HEATR5A: variants seen among roughly 807,000 people sequenced by gnomAD.
The protein encoded by HEATR5A is HEAT repeat-containing protein 5A.
Under a neutral mutation model 218.8 loss-of-function variants are expected in HEATR5A, and 178 were observed. That is an observed-to-expected ratio of 0.81 (90% CI 0.72 to 0.92). The LOEUF (loss-of-function observed/expected upper bound fraction) is 0.92, where lower values mean the gene tolerates loss of function less well. HEATR5A is among the 40% of genes least tolerant of loss of function. The pLI, the probability that HEATR5A is intolerant of heterozygous loss-of-function variation, is 0.00. For synonymous variants in HEATR5A, 864 were observed against 871.6 expected (o/e 0.99, Z 0.15); for missense variants, 2,420 against 2,418.9 (o/e 1.00, Z -0.01).
Position 31,386,474 on chromosome 14 carries a change from G to C in HEATR5A, c.1291C>G (p.Leu431Val), listed in dbSNP as rs756512151. 6.8e-6 allele frequency: 11 copies of C among 1,613,670 alleles called. No homozygotes were observed. In the East Asian group the frequency reaches 2.5e-4, roughly 36 times the overall value. The stretch of plus-strand genomic sequence containing the variant: ...GCTGTGGTGCCAAGATTGTGTATGA[G>C]ATTTCCAAGTTCTTGTAAAGCACAA... ...LVCALQELGN[L>V]IHNLGTTAAP... is the part of the protein sequence containing the mutation. The change falls in exon 9 of 36, where the codon CTC becomes GTC. Residue 431 changes from leucine (L) to valine (V), a missense_variant. Coordinates refer to ENST00000543095, the MANE Select transcript of HEATR5A (RefSeq NM_015473.4).
intron 31 of HEATR5A, 61 bp from the exon 32 acceptor site, chr14:31,305,238 T>G (rs1899517885): frequency 4.6e-6 from 7 of 1,522,124 alleles, no homozygotes; most frequent in Non-Finnish European, 6.2e-6. Flanking sequence ...GATGGCAATT[T>G]AGTTAAATCC....
intron 9 of HEATR5A, among the ~76,000 whole-genome samples, chr14:31,384,375 C>T (rs993292573): frequency 1.3e-5 from 2 of 150,526 alleles, no homozygotes; most frequent in South Asian, 2.1e-4. Flanking sequence ...GCCAGGGTGG[C>T]GGGACTTGCA....
chr14:31,295,727 T>C (rs1262775933), intron 34 of HEATR5A, among the ~76,000 whole-genome samples, 182 bp downstream of exon 34: 1 of 152,094 alleles, frequency 6.6e-6, no homozygotes, highest in Non-Finnish European at 1.5e-5. Flanking sequence ...CCCTTAGGGC[T>C]GAAGAACAAG....
rs574157520 is a variant in HEATR5A at position 31,416,283 on chromosome 14, A to AT, written c.-75+4188dup. Among the ~76,000 whole-genome samples the AT allele has an allele frequency of 3.1e-3, 462 of 149,288 alleles. 12 individuals carry two copies. The East Asian group carries it at 0.066, about 21-fold the overall frequency. ...AGGCACCGGCCACCACGCCCGGCTA[A>AT]TTTTTTTTTTGTATTTTTAGTAGAG... is the stretch of plus-strand genomic sequence containing the variant. On this transcript the variant is annotated intron_variant, in intron 1 of 35. Coordinates refer to ENST00000543095, the MANE Select transcript of HEATR5A (RefSeq NM_015473.4).
chr14:31,406,186 T>A (rs938661811), intron 1 of HEATR5A, among the ~76,000 whole-genome samples: 5 of 152,230 alleles, frequency 3.3e-5, no homozygotes, highest in Admixed American at 3.3e-4. Flanking sequence ...CAACCCTACA[T>A]ATACCTGAGA....
chr14:31,345,842 G>C (rs1901000961), intron 19 of HEATR5A, among the ~76,000 whole-genome samples: 1 of 152,078 alleles, frequency 6.6e-6, no homozygotes, highest in Non-Finnish European at 1.5e-5. Context: ...GATTTCGGGA[G>C]GTGGTTACAT....
chr14:31,306,677 C>G, intron 31 of HEATR5A, 55 bp downstream of exon 31: 1 of 1,509,412 alleles, frequency 6.6e-7, no homozygotes, highest in Non-Finnish European at 9.0e-7. Context: ...TTAAATAATA[C>G]TTTACAAAAG....
In HEATR5A at chr14:31,302,374, G is replaced by T; in HGVS notation, c.5385C>A (p.Ala1795=). 1.2e-6 allele frequency: 2 copies of T among 1,603,874 alleles called. No homozygotes were observed. Among genetic ancestry groups the T allele is most frequent in the East Asian group, 4.5e-5 (2 of 44,622 alleles). Reference sequence around the variant, plus strand: ...AAGCAGTACGGCTCTTTTCTGCCCGGGCCATGGGAGAAGATAATATTCCTT... The same window carrying T: ...AAGCAGTACGGCTCTTTTCTGCCCGTGCCATGGGAGAAGATAATATTCCTT... ...ALKGILSSPM[A]RAEKSRTAWT... Residue 1795 remains alanine (A), a synonymous_variant, in exon 33 of 36, where the codon GCC becomes GCA. Coordinates refer to ENST00000543095, the MANE Select transcript of HEATR5A (RefSeq NM_015473.4).
rs1325865051 is a variant in HEATR5A at position 31,364,201 on chromosome 14, CAGGAGGT to C, written c.2052_2058del (p.Pro685ArgfsTer18). On this transcript the variant is annotated frameshift_variant, in exon 14 of 36. Coordinates refer to ENST00000543095, the MANE Select transcript of HEATR5A (RefSeq NM_015473.4). LOFTEE classifies it high-confidence loss of function. ...CTAAGGCACATACCTTCATAGGTCT[CAGGAGGT>C]AATAAAATCAACAGTTCATAAAGTC... The C allele has an allele frequency of 6.6e-7, 1 of 1,506,884 alleles. No individual in the cohort carries two copies. Among genetic ancestry groups the C allele is most frequent in the Non-Finnish European group, 9.0e-7 (1 of 1,108,136 alleles). 93.3% of individuals were successfully genotyped at this position (1,506,884 alleles called of 1,614,324 possible).
At position 31,387,391 on chromosome 14, in the gene HEATR5A, G is replaced by T. The variant is rs761077688; in HGVS notation, c.934-16C>A. The T allele has an allele frequency of 3.5e-5, 56 of 1,579,780 alleles. No individual in the cohort carries two copies. Among genetic ancestry groups the T allele is most frequent in the Non-Finnish European group, 4.8e-5 (56 of 1,156,820 alleles). ...CCACATAAGCCTAAAAAGGAAAAGA[G>T]TTTTATTTTCAATATTAAATTGTTT... On this transcript the variant is annotated splice_polypyrimidine_tract_variant and intron_variant, in intron 7 of 35. Coordinates refer to ENST00000543095, the MANE Select transcript of HEATR5A (RefSeq NM_015473.4).
In HEATR5A at chr14:31,326,155, A is replaced by G. The variant is rs3736917; in HGVS notation, c.3547+8T>C. On this transcript the variant is annotated splice_region_variant and intron_variant, in intron 23 of 35. Coordinates refer to ENST00000543095, the MANE Select transcript of HEATR5A (RefSeq NM_015473.4). The stretch of plus-strand genomic sequence containing the variant: ...TTATTATTTTAACTGATAATGTCCA[A>G]TACTTACCAGCTGATGCAGCAAGTA... 547,296 of 1,601,888 alleles carry G rather than the reference A, an allele frequency of 0.34. 101,540 individuals carry two copies. Among genetic ancestry groups the G allele is most frequent in the Non-Finnish European group, 0.39 (451,523 of 1,169,176 alleles).
intron 11 of HEATR5A, 100 bp from the exon 12 acceptor site, chr14:31,375,068 C>T: frequency 1.0e-6 from 1 of 970,820 alleles, no homozygotes; most frequent in Non-Finnish European, 1.5e-6. Context: ...CATTTTAATT[C>T]ATTATTGCAA....
At chr14:31,303,881 GC>G in intron 32 of HEATR5A, among the ~76,000 whole-genome samples, 1 of 152,232 alleles carries the variant, frequency 6.6e-6, no homozygotes, top group South Asian at 2.1e-4. Flanking sequence ...GATTAGCAGA[GC>G]TACACAGAGA....
intron 2 of HEATR5A, among the ~76,000 whole-genome samples, chr14:31,400,965 G>C (rs2030855599): frequency 6.6e-6 from 1 of 151,294 alleles, no homozygotes; most frequent in African/African-American, 2.4e-5. Context: ...TCAGCCTCCC[G>C]AGTAGCTGGG....
intron 23 of HEATR5A, among the ~76,000 whole-genome samples, chr14:31,324,459 ATT>A (rs1900201774): frequency 1.3e-5 from 2 of 152,110 alleles, no homozygotes; most frequent in Non-Finnish European, 2.9e-5. Context: ...GTATGTCAAT[ATT>A]TTTTTGCACG....
At chr14:31,417,017 G>A (rs981185458) in intron 1 of HEATR5A, among the ~76,000 whole-genome samples, 9 of 151,964 alleles carry the variant, frequency 5.9e-5, no homozygotes, top group Non-Finnish European at 8.8e-5. Context: ...TAGAAGGATC[G>A]CTTGAGTACA....
chr14:31,295,743 T>C (rs1467524663), intron 34 of HEATR5A, among the ~76,000 whole-genome samples, 166 bp downstream of exon 34: 1 of 152,054 alleles, frequency 6.6e-6, no homozygotes, highest in African/African-American at 2.4e-5. Context: ...ACAAGACTAC[T>C]GTTATTTGGC....
In HEATR5A at chr14:31,309,103, A is replaced by G; in HGVS notation, c.4521T>C (p.Ala1507=). 1 of 1,614,010 alleles carries G rather than the reference A, an allele frequency of 6.2e-7. No homozygotes were observed. Among genetic ancestry groups the G allele is most frequent in the Non-Finnish European group, 8.5e-7 (1 of 1,179,876 alleles). Residue 1507 remains alanine, a synonymous_variant, in exon 29 of 36, where the codon GCT becomes GCC. Transcript: ENST00000543095. ...CCGTGCTTGTAAGCCACAATGCTGT[A>G]GCATGGAGGATAAGTGCCCAGGAGT... is the stretch of plus-strand genomic sequence containing the variant. ...YYNSWALILH[A]TALWLTSTGF...
chr14:31,412,992 G>A (rs1246823968), intron 1 of HEATR5A, among the ~76,000 whole-genome samples: 8 of 152,056 alleles, frequency 5.3e-5, no homozygotes, highest in Non-Finnish European at 8.8e-5. Context: ...TTCTGAATAC[G>A]AATTCCCACA....
Sources: allele counts gnomAD v4.1 joint callset (sites outside exome capture counted in the v4.1 genomes callset), GRCh38; gene constraint gnomAD v4.1.1; transcripts MANE v1.5; gene names NCBI Gene and HGNC (gene_info 2026-07-23, HGNC 2026-07-21).